PDC: variants seen among roughly 807,000 people sequenced by gnomAD.
PDC encodes 33 kDa phototransducing protein.
PDC carries 19 observed loss-of-function variants against 22.2 expected under a neutral mutation model. The ratio of observed to expected loss-of-function variants is 0.86; its 90% CI spans 0.60 to 1.26. The LOEUF (loss-of-function observed/expected upper bound fraction) is 1.26. Ranked by LOEUF, PDC falls within the 50% of genes most tolerant of loss-of-function variation. PDC has a pLI of 0.00. For synonymous variants in PDC, 97 were observed against 96.2 expected, an observed-to-expected ratio of 1.01 and a Z score of -0.05; for missense variants, 274 against 286.8, an observed-to-expected ratio of 0.96 and a Z score of 0.32.
chr1:186,455,133 G>A (rs1662431497), intron 1 of PDC, among the ~76,000 whole-genome samples: 1 of 152,126 alleles, frequency 6.6e-6, no homozygotes, highest in Non-Finnish European at 1.5e-5. Context: ...TAGTTCCAGA[G>A]GCTAAAAGTC....
chr1:186,459,408 G>T (rs544200000), intron 1 of PDC, among the ~76,000 whole-genome samples: 1 of 152,190 alleles, frequency 6.6e-6, no homozygotes, highest in African/African-American at 2.4e-5. Flanking sequence ...TGATCCGCCA[G>T]CCTTGGCCTC....
In PDC at chr1:186,443,781, C is replaced by T. The variant is rs35066734; in HGVS notation, c.*198G>A. The T allele has an allele frequency of 0.12, 64,952 of 531,768 alleles. 4,431 individuals are homozygous for T. The highest frequency in any genetic ancestry group is 0.18 in the Middle Eastern group (361 of 2,060). The allele number at this position is 531,768 out of a possible 1,614,324, so 32.9% of individuals were successfully genotyped here. On this transcript the variant is annotated 3_prime_UTR_variant, in exon 4 of 4. Transcript: ENST00000391997. ...ACTAATAATGTTGCTGAAGACAGCT[C>T]TGTTTTGTAGTCAAGCATTGTATCA...
At chr1:186,456,578 G>C (rs1662476812) in intron 1 of PDC, among the ~76,000 whole-genome samples, 1 of 152,102 alleles carries the variant, frequency 6.6e-6, no homozygotes, top group Non-Finnish European at 1.5e-5. Flanking sequence ...AGAAAACATA[G>C]AGCATTGAAG....
At chr1:186,446,823 T>TAA (rs1662240895) in intron 2 of PDC, among the ~76,000 whole-genome samples, 1 of 152,160 alleles carries the variant, frequency 6.6e-6, no homozygotes, top group Admixed American at 6.5e-5. Flanking sequence ...AAATATAAAT[T>TAA]ATGCACTTTG....
intron 1 of PDC, among the ~76,000 whole-genome samples, chr1:186,456,216 C>A (rs1276374903): frequency 6.6e-6 from 1 of 151,612 alleles, no homozygotes; most frequent in Non-Finnish European, 1.5e-5. Flanking sequence ...TATATACTCA[C>A]TTTAGTCCAG....
intron 2 of PDC, among the ~76,000 whole-genome samples, chr1:186,448,105 G>C (rs934888462): frequency 6.6e-6 from 1 of 152,150 alleles, no homozygotes; most frequent in Non-Finnish European, 1.5e-5. Context: ...ATATGATGCT[G>C]AGTGAAGAAT....
rs1662302909 is a variant in PDC, at chr1:186,449,424, G to A, written c.36C>T (p.Asp12=). ...EEAKSQSLEE[D]FEGQATHTGP... is the part of the protein sequence containing the mutation. ...CTGTATGTGTGGCCTGTCCTTCAAAGTCTTCCTCCAAACTTTGGCTTTTGG... is the reference window on the plus strand; with the variant it reads ...CTGTATGTGTGGCCTGTCCTTCAAAATCTTCCTCCAAACTTTGGCTTTTGG... Residue 12 remains aspartate (D), a synonymous_variant, in exon 2 of 4, where the codon GAC becomes GAT. Transcript: ENST00000391997. 1 of 1,607,128 alleles carries A rather than the reference G, an allele frequency of 6.2e-7. No homozygotes were observed.
At position 186,444,127 on chromosome 1, in the gene PDC, A is replaced by G; in HGVS notation, c.593T>C (p.Ile198Thr). Residue 198 changes from isoleucine (I) to threonine (T), a missense_variant, in exon 4 of 4, where the codon ATA (isoleucine) becomes ACA (threonine). Physicochemically the swap from Ile to Thr is moderately conservative, Grantham distance 89 (BLOSUM62 -1). Transcript: ENST00000391997. ...TLLIYKGGEL[I>T]SNFISVAEQF... ...TTCAGCAACACTAATAAAATTGCTT[A>G]TGAGTTCCCCACCTTTATAGATGAG... The G allele has an allele frequency of 6.2e-7, 1 of 1,614,076 alleles. No homozygotes were observed. The highest frequency in any genetic ancestry group is 1.1e-5 in the South Asian group (1 of 91,076).
At chr1:186,459,807 C>A (rs1662545237) in intron 1 of PDC, among the ~76,000 whole-genome samples, 1 of 130,622 alleles carries the variant, frequency 7.7e-6, no homozygotes, top group South Asian at 2.5e-4. Flanking sequence ...TAGTTAGAAG[C>A]TATTTTTGCA....
chr1:186,448,091 T>C (rs1015468775), intron 2 of PDC, among the ~76,000 whole-genome samples: 3 of 152,218 alleles, frequency 2.0e-5, no homozygotes, highest in African/African-American at 4.8e-5. Context: ...GTTTTTTCTA[T>C]GACATATGAT....
intron 1 of PDC, among the ~76,000 whole-genome samples, chr1:186,459,161 CAAAAAAAG>C (rs906663768): frequency 7.3e-5 from 11 of 151,454 alleles, no homozygotes; most frequent in Non-Finnish European, 1.5e-4. Flanking sequence ...GACTCCAACT[CAAAAAAAG>C]AAAAAAAGAA....
At chr1:186,448,602 T>C in intron 2 of PDC, 1 of 587,922 alleles carries the variant, frequency 1.7e-6, no homozygotes, top group Non-Finnish European at 2.1e-6. Flanking sequence ...CATCCTTCCT[T>C]CCTTTTTATA....
intron 2 of PDC, 108 bp from the exon 3 acceptor site, chr1:186,446,685 G>T: frequency 1.7e-6 from 1 of 584,160 alleles, no homozygotes; most frequent in South Asian, 3.2e-5. Flanking sequence ...ATTGTCTCCT[G>T]CATCAGAAAC....
intron 1 of PDC, among the ~76,000 whole-genome samples, chr1:186,455,705 T>TA (rs1662445200): frequency 6.7e-6 from 1 of 148,468 alleles, no homozygotes; most frequent in South Asian, 2.1e-4. Context: ...CTCACTCCTG[T>TA]AGTCCCAGCC....
chr1:186,453,624 A>G (rs947497950), intron 1 of PDC, among the ~76,000 whole-genome samples: 2 of 152,096 alleles, frequency 1.3e-5, no homozygotes, highest in African/African-American at 4.8e-5. Flanking sequence ...TTATTTTTAC[A>G]TGTTTTGCTC....
intron 1 of PDC, among the ~76,000 whole-genome samples, chr1:186,459,610 CTT>C (rs1428760029): frequency 2.0e-5 from 3 of 151,282 alleles, no homozygotes; most frequent in East Asian, 3.9e-4. Context: ...TTGATAATGA[CTT>C]ATATAATATC....
At chr1:186,458,218 C>T (rs1270519510) in intron 1 of PDC, among the ~76,000 whole-genome samples, 1 of 119,848 alleles carries the variant, frequency 8.3e-6, no homozygotes, top group African/African-American at 3.4e-5. Context: ...TTATGACATA[C>T]AGATATTCTT....
intron 2 of PDC, 25 bp downstream of exon 2, chr1:186,449,374 T>A (rs1662301191): frequency 6.7e-7 from 1 of 1,486,194 alleles, no homozygotes; most frequent in African/African-American, 1.4e-5. Context: ...ATTTAATAAT[T>A]ATTTTTTCTT....
chr1:186,455,997 ATAT>A lies in PDC; in HGVS notation c.-25+5059_-25+5061del, dbSNP rs1558131925. On this transcript the variant is annotated intron_variant, in intron 1 of 3. Transcript: ENST00000391997. ...AAAAAAAAAAAAAAAAAAAAAAAAT[ATAT>A]ATATATATATATATATATATATATA... Among the ~76,000 whole-genome samples the A allele has an allele frequency of 7.9e-3, 535 of 67,554 alleles. 2 individuals are homozygous for A. The highest frequency in any genetic ancestry group is 0.038 in the East Asian group (68 of 1,784). 44.3% of individuals were successfully genotyped at this position (67,554 alleles called of 152,430 possible). A position where few individuals can be genotyped will look rare whatever the true frequency, so the allele number is the denominator to read the frequency against.
Sources: allele counts gnomAD v4.1 joint callset (sites outside exome capture counted in the v4.1 genomes callset), GRCh38; gene constraint gnomAD v4.1.1; transcripts MANE v1.5; gene names NCBI Gene and HGNC (gene_info 2026-07-23, HGNC 2026-07-21).